Variants in ATG4C observed in about 807,000 individuals in gnomAD.
ATG4C encodes autophagy related 4C cysteine peptidase.
ATG4C carries 56 observed loss-of-function variants against 57.6 expected under a neutral mutation model. That is an observed-to-expected ratio of 0.97 (90% confidence interval 0.78 to 1.21). The LOEUF is 1.21. ATG4C is among the 50% of genes most tolerant of loss of function. ATG4C has a pLI of 0.00. For missense variants in ATG4C, 595 were observed against 529.8 expected (o/e 1.12, Z -1.21); for synonymous variants, 157 against 174.1 (o/e 0.90, Z 0.78).
At chr1:62,823,209 C>T (rs1572133780) in intron 6 of ATG4C, among the ~76,000 whole-genome samples, 1 of 152,154 alleles carries the variant, frequency 6.6e-6, no homozygotes, top group Admixed American at 6.5e-5. Flanking sequence ...TATTTTCTGC[C>T]ACCTTTCAAA....
chr1:62,846,759 G>A (rs1185370265), intron 10 of ATG4C, among the ~76,000 whole-genome samples: 1 of 152,040 alleles, frequency 6.6e-6, no homozygotes. Context: ...CTTCCCTACT[G>A]CTCTTGCAAC....
At chr1:62,816,503 C>A in intron 3 of ATG4C, 72 bp from the exon 4 acceptor site, 1 of 1,018,928 alleles carries the variant, frequency 9.8e-7, no homozygotes, top group Non-Finnish European at 1.4e-6. Flanking sequence ...CATCTTAAGA[C>A]AGTAATGATA....
intron 1 of ATG4C, among the ~76,000 whole-genome samples, chr1:62,802,374 G>A (rs1664709047): frequency 6.6e-6 from 1 of 151,686 alleles, no homozygotes; most frequent in Admixed American, 6.6e-5. Flanking sequence ...GTGCCAACAT[G>A]ATGCTCAAAG....
At chr1:62,802,407 G>C (rs1664710203) in intron 1 of ATG4C, among the ~76,000 whole-genome samples, 1 of 151,100 alleles carries the variant, frequency 6.6e-6, no homozygotes, top group South Asian at 2.1e-4. Flanking sequence ...GGAGCATTTT[G>C]GATTTTGGAT....
At chr1:62,802,610 C>G (rs921833797) in intron 1 of ATG4C, among the ~76,000 whole-genome samples, 1 of 152,112 alleles carries the variant, frequency 6.6e-6, no homozygotes, top group Non-Finnish European at 1.5e-5. Flanking sequence ...AACAAACAAA[C>G]CTACTGAATC....
At position 62,829,286 on chromosome 1, in the gene ATG4C, C is replaced by T. The variant is rs906732093; in HGVS notation, c.933+110C>T. The T allele has an allele frequency of 1.5e-5, 18 of 1,219,090 alleles. No homozygotes were observed. The South Asian group carries it at 1.7e-4, about 11-fold the overall frequency. 75.5% of individuals were successfully genotyped at this position (1,219,090 alleles called of 1,614,324 possible). A position where few individuals can be genotyped will look rare whatever the true frequency, so the allele number is the denominator to read the frequency against. On this transcript the variant is annotated intron_variant, in intron 7 of 10. Coordinates refer to ENST00000317868, the MANE Select transcript of ATG4C (RefSeq NM_032852.4). ...GAGTAGTGATGATTTTGTAGTTGTA[C>T]GTTGTACGTTGTAAAGTTTGACATT...
chr1:62,822,806 A>AT (rs11413285), intron 6 of ATG4C, among the ~76,000 whole-genome samples: 5,905 of 152,064 alleles, frequency 0.039, 390 homozygotes, highest in African/African-American at 0.14. Context: ...AATTGCATCT[A>AT]TTTTTATGGC....
At chr1:62,789,296 A>C (rs1664189232) in intron 1 of ATG4C, among the ~76,000 whole-genome samples, 1 of 152,088 alleles carries the variant, frequency 6.6e-6, no homozygotes, top group Non-Finnish European at 1.5e-5. Flanking sequence ...TGCTACCATC[A>C]TTCCTTTTGG....
intron 10 of ATG4C, among the ~76,000 whole-genome samples, chr1:62,860,902 C>A (rs1272615226): frequency 6.6e-6 from 1 of 152,188 alleles, no homozygotes; most frequent in Non-Finnish European, 1.5e-5. Flanking sequence ...CTATTTCTGT[C>A]CTACCAACTA....
intron 4 of ATG4C, 150 bp downstream of exon 4, chr1:62,816,958 T>C (rs1557971801): frequency 1.2e-5 from 8 of 658,416 alleles, no homozygotes; most frequent in Non-Finnish European, 1.0e-5. Flanking sequence ...ACTAATTTGG[T>C]GTATTGCATT....
chr1:62,805,216 G>T lies in ATG4C; in HGVS notation c.121G>T (p.Val41Leu). 6.6e-7 allele frequency: 1 copy of T among 1,513,844 alleles called. No individual in the cohort carries two copies. Among genetic ancestry groups the T allele is most frequent in the Non-Finnish European group, 8.8e-7 (1 of 1,141,502 alleles). The allele number at this position is 1,513,844 out of a possible 1,614,324, so 93.8% of individuals were successfully genotyped here. ...TKTYFSRNSPVLLLGKCYHFK... is the reference protein window; with the variant it reads ...TKTYFSRNSPLLLLGKCYHFK... Reference sequence around the variant, plus strand: ...GACGTATTTTAGTAGAAATTCTCCTGTATTATTGCTTGGAAAATGTTACCA... The same window carrying T: ...GACGTATTTTAGTAGAAATTCTCCTTTATTATTGCTTGGAAAATGTTACCA... The change falls in exon 3 of 11, where the codon GTA becomes TTA. Residue 41 changes from valine to leucine, a missense_variant. Physicochemically the swap from Val to Leu is conservative, Grantham distance 32 (BLOSUM62 1). Coordinates refer to ENST00000317868, the MANE Select transcript of ATG4C (RefSeq NM_032852.4).
intron 3 of ATG4C, among the ~76,000 whole-genome samples, chr1:62,814,676 A>G (rs1197195939): frequency 3.9e-5 from 6 of 152,048 alleles, no homozygotes; most frequent in South Asian, 2.1e-4. Context: ...CACTTAATCT[A>G]TTTGTGTCTT....
intron 4 of ATG4C, among the ~76,000 whole-genome samples, chr1:62,817,557 G>C (rs574183774): frequency 9.9e-5 from 15 of 152,192 alleles, no homozygotes; most frequent in African/African-American, 3.6e-4. Context: ...ATGTTGCCCA[G>C]GCTAGTCTTG....
chr1:62,848,461 C>T (rs1297608162), intron 10 of ATG4C, among the ~76,000 whole-genome samples: 1 of 152,046 alleles, frequency 6.6e-6, no homozygotes, highest in Non-Finnish European at 1.5e-5. Flanking sequence ...TTTATTATTT[C>T]TTTTAATGCT....
chr1:62,799,170 G>C (rs956984159), intron 1 of ATG4C, among the ~76,000 whole-genome samples: 1 of 152,128 alleles, frequency 6.6e-6, no homozygotes, highest in Non-Finnish European at 1.5e-5. Flanking sequence ...CTCCCCTTCA[G>C]CCTCCCAAAG....
In ATG4C at chr1:62,805,256, G is replaced by T; in HGVS notation, c.160+1G>T. 1 of 1,503,248 alleles carries T rather than the reference G, an allele frequency of 6.7e-7. No individual in the cohort carries two copies. The allele number at this position is 1,503,248 out of a possible 1,614,324, so 93.1% of individuals were successfully genotyped here. ...AAATGTTACCATTTTAAATATGAAGGTAAGTACAAAATTTGTAAACCATTT... is the reference window on the plus strand; with the variant it reads ...AAATGTTACCATTTTAAATATGAAGTTAAGTACAAAATTTGTAAACCATTT... On this transcript the variant is annotated splice_donor_variant, in intron 3 of 10. Transcript: ENST00000317868. LOFTEE classifies it high-confidence loss of function.
chr1:62,822,862 T>C (rs1261520072), intron 6 of ATG4C, among the ~76,000 whole-genome samples: 1 of 152,202 alleles, frequency 6.6e-6, no homozygotes, highest in Non-Finnish European at 1.5e-5. Flanking sequence ...CTTTTAAAAA[T>C]ACATTTTTAG....
At position 62,816,699 on chromosome 1, in the gene ATG4C, C is replaced by T. The variant is rs2100314143; in HGVS notation, c.285C>T (p.Phe95=). Residue 95 remains phenylalanine, a synonymous_variant, in exon 4 of 11, where the codon TTC becomes TTT. Coordinates refer to ENST00000317868, the MANE Select transcript of ATG4C (RefSeq NM_032852.4). The part of the protein sequence containing the change: ...SRIWLTYREE[F]PQIEGSALTT... ...TATGGCTGACCTACAGGGAAGAATTCCCTCAAATAGAAGGCTCAGCTTTGA... is the reference window on the plus strand; with the variant it reads ...TATGGCTGACCTACAGGGAAGAATTTCCTCAAATAGAAGGCTCAGCTTTGA... 1 of 1,613,786 alleles carries T rather than the reference C, an allele frequency of 6.2e-7. No individual in the cohort carries two copies. The highest frequency in any genetic ancestry group is 8.5e-7 in the Non-Finnish European group (1 of 1,179,838).
chr1:62,789,941 G>A (rs1664219669), intron 1 of ATG4C, among the ~76,000 whole-genome samples: 1 of 150,374 alleles, frequency 6.7e-6, no homozygotes, highest in Admixed American at 6.6e-5. Flanking sequence ...TTGAGACAGT[G>A]TCTTGCTCTT....
Sources: allele counts gnomAD v4.1 joint callset (sites outside exome capture counted in the v4.1 genomes callset), GRCh38; gene constraint gnomAD v4.1.1; transcripts MANE v1.5; gene names NCBI Gene and HGNC (gene_info 2026-07-23, HGNC 2026-07-21).